Variants in CSMD1 observed in about 807,000 individuals in gnomAD.
The protein encoded by CSMD1 is CUB and Sushi multiple domains 1.
In CSMD1, 213 loss-of-function variants were observed where a neutral mutation model predicts 417.5. The observed-to-expected ratio is 0.51, with a 90% CI of 0.46 to 0.57. The LOEUF (loss-of-function observed/expected upper bound fraction) is 0.57, where lower values mean the gene tolerates loss of function less well. Ranked by LOEUF, CSMD1 falls within the 20% of genes least tolerant of loss-of-function variation. The pLI, the probability that CSMD1 is intolerant of heterozygous loss-of-function variation, is 0.00. For synonymous variants in CSMD1, 2,862 were observed against 1,736.8 expected, an observed-to-expected ratio of 1.65 and a Z score of -16.11; for missense variants, 6,923 against 4,529.7, an observed-to-expected ratio of 1.53 and a Z score of -15.17.
At chr8:3,391,991 C>T (rs183549794) in intron 17 of CSMD1, among the ~76,000 whole-genome samples, 1 of 151,066 alleles carries the variant, frequency 6.6e-6, no homozygotes, top group Non-Finnish European at 1.5e-5. Context: ...TCATTCTCAG[C>T]AAACTATCAC....
chr8:3,780,919 G>A (rs1479607405), intron 5 of CSMD1, among the ~76,000 whole-genome samples: 1 of 152,174 alleles, frequency 6.6e-6, no homozygotes, highest in African/African-American at 2.4e-5. Flanking sequence ...ATTTAGGTAA[G>A]ACCATGGCTT....
intron 1 of CSMD1, among the ~76,000 whole-genome samples, chr8:4,641,936 T>G (rs1327306631): frequency 2.6e-5 from 4 of 152,178 alleles, no homozygotes; most frequent in Non-Finnish European, 5.9e-5. Context: ...TTGCTAACAT[T>G]TTGCTGAACA....
chr8:3,878,355 T>C (rs1805971788), intron 5 of CSMD1, among the ~76,000 whole-genome samples: 1 of 152,166 alleles, frequency 6.6e-6, no homozygotes, highest in South Asian at 2.1e-4. Flanking sequence ...GTGTATCTTC[T>C]TTATTTGATA....
intron 5 of CSMD1, among the ~76,000 whole-genome samples, chr8:3,914,222 A>C (rs954724718): frequency 1.3e-5 from 2 of 152,152 alleles, no homozygotes; most frequent in African/African-American, 4.8e-5. Flanking sequence ...GAGCACCTGC[A>C]AAAGGGCTAG....
chr8:3,018,738 A>G, intron 51 of CSMD1, 88 bp from the exon 52 acceptor site: 3 of 1,248,376 alleles, frequency 2.4e-6, no homozygotes, highest in Admixed American at 2.2e-5. Context: ...CAAACAAAAA[A>G]AACCAAAAAA....
intron 4 of CSMD1, among the ~76,000 whole-genome samples, chr8:4,008,355 T>C (rs1210251246): frequency 6.6e-6 from 1 of 151,900 alleles, no homozygotes; most frequent in Non-Finnish European, 1.5e-5. Context: ...TTTTATTCCA[T>C]GGATACTAAT....
intron 3 of CSMD1, among the ~76,000 whole-genome samples, chr8:4,329,737 G>A (rs977277491): frequency 4.6e-5 from 7 of 152,012 alleles, no homozygotes; most frequent in Admixed American, 1.3e-4. Flanking sequence ...CTGGACTATG[G>A]GAGCAGATTC....
chr8:4,461,155 T>A (rs1040129309), intron 2 of CSMD1, among the ~76,000 whole-genome samples: 1 of 58,380 alleles, frequency 1.7e-5, no homozygotes, highest in Admixed American at 2.0e-4. Context: ...GTCAGCTGAT[T>A]GTCTTACCAG....
At chr8:3,343,231 C>G in intron 23 of CSMD1, 63 bp downstream of exon 23, 1 of 1,400,226 alleles carries the variant, frequency 7.1e-7, no homozygotes, top group Non-Finnish European at 1.0e-6. Context: ...TTAATATAAG[C>G]CAAGTATCAG....
chr8:2,987,909 G>C (rs1448811474), intron 54 of CSMD1, among the ~76,000 whole-genome samples: 1 of 152,144 alleles, frequency 6.6e-6, no homozygotes, highest in Non-Finnish European at 1.5e-5. Flanking sequence ...TTTAAGTTCT[G>C]CCATACATGT....
chr8:4,973,683 G>A (rs1810376107), intron 1 of CSMD1, among the ~76,000 whole-genome samples: 1 of 152,080 alleles, frequency 6.6e-6, no homozygotes, highest in South Asian at 2.1e-4. Context: ...TCATTATCCT[G>A]ACCATAAGCA....
In CSMD1 at chr8:4,757,093, G is replaced by C. The variant is rs1053112075; in HGVS notation, c.86-119535C>G. 3.3e-5 allele frequency among the ~76,000 whole-genome samples: 5 copies of C among 152,252 alleles called. No homozygotes were observed. In the East Asian group the frequency reaches 9.7e-4, roughly 29 times the overall value. On this transcript the variant is annotated intron_variant, in intron 1 of 69. Coordinates refer to ENST00000635120, the MANE Select transcript of CSMD1 (RefSeq NM_033225.6). ...GAAATGGCAAGAAACAGGATAAGTA[G>C]GACAAAGAACAAACACAAACATAAG...
At chr8:3,651,583 C>T (rs148644907) in intron 7 of CSMD1, among the ~76,000 whole-genome samples, 1 of 152,258 alleles carries the variant, frequency 6.6e-6, no homozygotes, top group African/African-American at 2.4e-5. Context: ...ATCTAGAACA[C>T]TAGAATAGCC....
intron 10 of CSMD1, among the ~76,000 whole-genome samples, chr8:3,510,766 T>C (rs1050922381): frequency 6.6e-6 from 1 of 151,910 alleles, no homozygotes; most frequent in African/African-American, 2.4e-5. Context: ...CCAGTGAGGA[T>C]GAGCTTTTTT....
At chr8:3,898,666 T>C (rs967855457) in intron 5 of CSMD1, among the ~76,000 whole-genome samples, 15 of 152,198 alleles carry the variant, frequency 9.9e-5, no homozygotes, top group Admixed American at 8.5e-4. Flanking sequence ...AGACCTGGTA[T>C]TTGTTGGTTT....
At chr8:4,139,009 A>C (rs1803610287) in intron 3 of CSMD1, among the ~76,000 whole-genome samples, 1 of 152,174 alleles carries the variant, frequency 6.6e-6, no homozygotes, top group Non-Finnish European at 1.5e-5. Flanking sequence ...GGCCACATGC[A>C]GAAAGGACAT....
intron 5 of CSMD1, among the ~76,000 whole-genome samples, chr8:3,796,942 T>C (rs1800187189): frequency 6.6e-6 from 1 of 151,736 alleles, no homozygotes; most frequent in South Asian, 2.1e-4. Context: ...GGTTAATATG[T>C]AATGAAGATG....
At chr8:3,953,148 T>C (rs957600316) in intron 5 of CSMD1, among the ~76,000 whole-genome samples, 2 of 151,808 alleles carry the variant, frequency 1.3e-5, no homozygotes, top group Non-Finnish European at 2.9e-5. Context: ...AAATACCATT[T>C]ATAAAAAAAA....
chr8:4,155,156 G>A (rs972140615), intron 3 of CSMD1, among the ~76,000 whole-genome samples: 1 of 152,160 alleles, frequency 6.6e-6, no homozygotes, highest in Non-Finnish European at 1.5e-5. Context: ...AGATAAAAGA[G>A]GCACTGACTG....
Sources: gnomAD v4.1 joint callset for allele counts (sites outside exome capture counted in the v4.1 genomes callset) on GRCh38, gnomAD v4.1.1 for gene constraint, MANE v1.5 for transcripts, NCBI Gene and HGNC (gene_info 2026-07-23, HGNC 2026-07-21) for gene names.